CACNA1B: variants seen among roughly 807,000 people sequenced by gnomAD.
CACNA1B encodes calcium voltage-gated channel subunit alpha1 B, also known as voltage-dependent N-type calcium channel subunit alpha-1B.
CACNA1B carries 70 observed loss-of-function variants against 247.2 expected under a neutral mutation model. The observed-to-expected ratio is 0.28, with a 90% CI of 0.23 to 0.35. The LOEUF is 0.35. Among genes scored for constraint, CACNA1B ranks in the 10% least tolerant of loss-of-function variants. CACNA1B has a pLI of 1.00. For missense variants in CACNA1B, 2,367 were observed against 3,197.4 expected, an observed-to-expected ratio of 0.74 and a Z score of 6.26; for synonymous variants, 1,231 against 1,294.4, an observed-to-expected ratio of 0.95 and a Z score of 1.05.
Position 138,120,296 on chromosome 9 carries a change from C to T in CACNA1B, c.6162C>T (p.His2054=), listed in dbSNP as rs749093444. 3.8e-6 allele frequency: 6 copies of T among 1,564,032 alleles called. 1 individual carries two copies. In the South Asian group the frequency reaches 5.8e-5, roughly 15 times the overall value. ...PSQASSHHHH[H]RCHRRRDRKQ... The stretch of plus-strand genomic sequence containing the variant: ...AGGCGTCGTCGCACCACCACCACCA[C>T]CGCTGCCACCGCCGCAGGGACAGGA... The change falls in exon 45 of 47, where the codon CAC becomes CAT. Residue 2054 remains histidine, a synonymous_variant. Transcript: ENST00000371372.
chr9:138,099,194 CAT>C (rs1016035102), intron 37 of CACNA1B, among the ~76,000 whole-genome samples: 1 of 152,234 alleles, frequency 6.6e-6, no homozygotes, highest in African/African-American at 2.4e-5. Context: ...AGTGTGACCA[CAT>C]GTGCACTCTG....
At chr9:137,994,018 A>G (rs921457923) in intron 15 of CACNA1B, among the ~76,000 whole-genome samples, 2 of 152,236 alleles carry the variant, frequency 1.3e-5, no homozygotes, top group African/African-American at 4.8e-5. Flanking sequence ...TGGGTTTCAT[A>G]TCAGGGATGC....
chr9:138,099,457 A>T (rs573709607), intron 37 of CACNA1B, among the ~76,000 whole-genome samples: 1 of 151,902 alleles, frequency 6.6e-6, no homozygotes, highest in African/African-American at 2.4e-5. Flanking sequence ...CCATGTGTGC[A>T]TGTGTGTGCC....
At chr9:137,927,379 C>T (rs1030383405) in intron 6 of CACNA1B, among the ~76,000 whole-genome samples, 7 of 152,082 alleles carry the variant, frequency 4.6e-5, no homozygotes, top group Middle Eastern at 3.4e-3. Flanking sequence ...TCTGCCATTA[C>T]GCCTGTCTAA....
In CACNA1B at chr9:138,122,915, G is replaced by A. The variant is rs923453478; in HGVS notation, c.*916G>A. 19 of 152,276 alleles carry A rather than the reference G, an allele frequency of 1.2e-4. No individual in the cohort carries two copies. The highest frequency in any genetic ancestry group is 9.2e-4 in the Admixed American group (14 of 15,290). The allele number at this position is 152,276 out of a possible 1,614,324, so 9.4% of individuals were successfully genotyped here. On this transcript the variant is annotated 3_prime_UTR_variant, in exon 47 of 47. Coordinates refer to ENST00000371372, the MANE Select transcript of CACNA1B (RefSeq NM_000718.4). Reference sequence around the variant, plus strand: ...CCGCAGGATGCTGTGAAAAGTACTCGCGATGGCAGCCAGGTAGCAAGCCCT... The same window carrying A: ...CCGCAGGATGCTGTGAAAAGTACTCACGATGGCAGCCAGGTAGCAAGCCCT...
At chr9:138,006,345 G>A (rs1958649253) in intron 15 of CACNA1B, among the ~76,000 whole-genome samples, 1 of 152,210 alleles carries the variant, frequency 6.6e-6, no homozygotes, top group African/African-American at 2.4e-5. Flanking sequence ...GAGAGCATAA[G>A]GCTCTGCTTC....
intron 5 of CACNA1B, among the ~76,000 whole-genome samples, chr9:137,916,652 G>A (rs1957414474): frequency 6.6e-6 from 1 of 152,232 alleles, no homozygotes; most frequent in Non-Finnish European, 1.5e-5. Flanking sequence ...GACTGGCCAA[G>A]GGCCTCAAGT....
intron 5 of CACNA1B, among the ~76,000 whole-genome samples, chr9:137,916,507 T>C (rs1267845756): frequency 6.6e-6 from 1 of 152,168 alleles, no homozygotes; most frequent in African/African-American, 2.4e-5. Context: ...AGTAGAAGGA[T>C]GTCCGCCCTG....
At chr9:137,961,269 GTTGT>G (rs1204797863) in intron 10 of CACNA1B, among the ~76,000 whole-genome samples, 2 of 152,202 alleles carry the variant, frequency 1.3e-5, no homozygotes, top group Non-Finnish European at 2.9e-5. Context: ...CTTAGCTGAA[GTTGT>G]TTATCAGCTT....
intron 38 of CACNA1B, among the ~76,000 whole-genome samples, chr9:138,104,653 G>C (rs1264027896): frequency 1.3e-5 from 2 of 152,212 alleles, no homozygotes; most frequent in Non-Finnish European, 2.9e-5. Context: ...CATGATGCTA[G>C]GGGCAGGGCT....
chr9:138,085,966 C>T (rs1387676146), intron 36 of CACNA1B, among the ~76,000 whole-genome samples: 6 of 151,030 alleles, frequency 4.0e-5, no homozygotes, highest in Non-Finnish European at 5.9e-5. Flanking sequence ...ATATAAAACT[C>T]GCTGGTAGAG....
chr9:138,023,191 G>A lies in CACNA1B; in HGVS notation c.2448G>A (p.Pro816=). ...ACATGAAGACGCACCTGGACCGGCC[G>A]CTGGTGGTGGAGCTGGGCCGCGACG... is the stretch of plus-strand genomic sequence containing the variant. ...RPDMKTHLDR[P]LVVELGRDGA... Residue 816 remains proline (P), a synonymous_variant, in exon 19 of 47, where the codon CCG becomes CCA. Coordinates refer to ENST00000371372, the MANE Select transcript of CACNA1B (RefSeq NM_000718.4). 2 of 1,519,876 alleles carry A rather than the reference G, an allele frequency of 1.3e-6. No individual in the cohort carries two copies. The highest frequency in any genetic ancestry group is 1.2e-5 in the South Asian group (1 of 81,746). 94.1% of individuals were successfully genotyped at this position (1,519,876 alleles called of 1,614,324 possible). A position where few individuals can be genotyped will look rare whatever the true frequency, so the allele number is the denominator to read the frequency against.
At chr9:138,119,679 TGGTG>T (rs1259392778) in intron 44 of CACNA1B, among the ~76,000 whole-genome samples, 1 of 152,168 alleles carries the variant, frequency 6.6e-6, no homozygotes, top group Non-Finnish European at 1.5e-5. Flanking sequence ...GGGTGCTGCC[TGGTG>T]GGTGGGTGCA....
rs1186499507 is a variant in CACNA1B at position 138,050,938 on chromosome 9, C to T, written c.3711-1154C>T. Reference sequence around the variant, plus strand: ...GGGTGCCTGAGACGTGTAGCTCACTCTCCCTGCTCAGCCCCAAGTGTTGCT... The same window carrying T: ...GGGTGCCTGAGACGTGTAGCTCACTTTCCCTGCTCAGCCCCAAGTGTTGCT... On this transcript the variant is annotated intron_variant, in intron 24 of 46. Coordinates refer to ENST00000371372, the MANE Select transcript of CACNA1B (RefSeq NM_000718.4). The surrounding 1 kb of genome is among the most constrained non-coding windows in gnomAD (Gnocchi z 5.2). 6.6e-6 allele frequency among the ~76,000 whole-genome samples: 1 copy of T among 152,144 alleles called. No homozygotes were observed. Among genetic ancestry groups the T allele is most frequent in the Non-Finnish European group, 1.5e-5 (1 of 68,018 alleles).
intron 6 of CACNA1B, among the ~76,000 whole-genome samples, chr9:137,939,920 A>C (rs934421800): frequency 2.6e-5 from 4 of 152,092 alleles, no homozygotes; most frequent in Non-Finnish European, 5.9e-5. Flanking sequence ...AATACAGCAA[A>C]GGCAGTGCTA....
intron 26 of CACNA1B, among the ~76,000 whole-genome samples, chr9:138,056,036 CA>C (rs1959483635): frequency 6.7e-6 from 1 of 149,688 alleles, no homozygotes; most frequent in Non-Finnish European, 1.5e-5. Flanking sequence ...AAAAAAAAAA[CA>C]AAAACAGAAA....
chr9:137,973,732 A>G lies in CACNA1B; in HGVS notation c.1543+2140A>G, dbSNP rs1474471806. ...AGTGCCTGCTGGTAGGATGCATGAT[A>G]CAAGAGTGTACGAATGAATGCCCTT... On this transcript the variant is annotated intron_variant, in intron 11 of 46. Coordinates refer to ENST00000371372, the MANE Select transcript of CACNA1B (RefSeq NM_000718.4). This position sits in a 1 kb window ranked among gnomAD's most constrained non-coding sequence, Gnocchi z 4.1. 6.6e-6 allele frequency among the ~76,000 whole-genome samples: 1 copy of G among 152,170 alleles called. No homozygotes were observed. Among genetic ancestry groups the G allele is most frequent in the African/African-American group, 2.4e-5 (1 of 41,424 alleles).
intron 15 of CACNA1B, among the ~76,000 whole-genome samples, chr9:138,004,521 G>T (rs1228262374): frequency 2.0e-5 from 3 of 148,202 alleles, no homozygotes; most frequent in Non-Finnish European, 4.4e-5. Flanking sequence ...CTGCACTCCG[G>T]CCTGGGAAAC....
At chr9:137,889,007 A>C (rs1454549203) in intron 3 of CACNA1B, among the ~76,000 whole-genome samples, 1 of 150,252 alleles carries the variant, frequency 6.7e-6, no homozygotes, top group African/African-American at 2.4e-5. Flanking sequence ...AGGCGACCTG[A>C]CGCTGTGTCT....
Sources: gnomAD v4.1 joint callset for allele counts (sites outside exome capture counted in the v4.1 genomes callset) on GRCh38, gnomAD v4.1.1 for gene constraint, Gnocchi (gnomAD v3.1) non-coding constraint, MANE v1.5 for transcripts, NCBI Gene and HGNC (gene_info 2026-07-23, HGNC 2026-07-21) for gene names.